Variants in C2CD3 observed in about 807,000 individuals in gnomAD.
The protein encoded by C2CD3 is C2 domain-containing protein 3.
A neutral mutation model predicts 234.0 loss-of-function variants in C2CD3; 148 were observed. That is an observed-to-expected ratio of 0.63 (90% CI 0.55 to 0.72). The LOEUF is 0.72. Among genes scored for constraint, C2CD3 ranks in the 30% least tolerant of loss-of-function variants. The pLI is 0.00. For missense variants in C2CD3, 2,577 were observed against 2,811.5 expected, an observed-to-expected ratio of 0.92 and a Z score of 1.89; for synonymous variants, 1,000 against 1,035.4, an observed-to-expected ratio of 0.97 and a Z score of 0.66.
chr11:74,052,293 GC>G (rs1460481438), intron 26 of C2CD3, among the ~76,000 whole-genome samples: 1 of 152,164 alleles, frequency 6.6e-6, no homozygotes, highest in Non-Finnish European at 1.5e-5. Context: ...AATAAAAATA[GC>G]TCCATTTATT....
chr11:74,147,813 T>C (rs1444452729), intron 3 of C2CD3, among the ~76,000 whole-genome samples: 1 of 152,230 alleles, frequency 6.6e-6, no homozygotes, highest in Non-Finnish European at 1.5e-5. Context: ...TGAAACAGGA[T>C]TTCCAGAAAT....
intron 7 of C2CD3, among the ~76,000 whole-genome samples, chr11:74,131,722 C>A (rs1353093638): frequency 6.6e-6 from 1 of 151,892 alleles, no homozygotes; most frequent in African/African-American, 2.4e-5. Context: ...AGTAGCTGCA[C>A]CACCACGCCT....
chr11:74,146,747 C>CACGCACACACAT (rs58129019), intron 3 of C2CD3, among the ~76,000 whole-genome samples: 1 of 144,004 alleles, frequency 6.9e-6, no homozygotes, highest in African/African-American at 2.5e-5. Flanking sequence ...CACACACACA[C>CACGCACACACAT]AATTAACATA....
chr11:74,169,926 C>T (rs1274336231), intron 1 of C2CD3, among the ~76,000 whole-genome samples: 12 of 152,180 alleles, frequency 7.9e-5, no homozygotes, highest in Admixed American at 7.9e-4. Flanking sequence ...CTTCTTTTCT[C>T]GCTAAACTGC....
intron 6 of C2CD3, 76 bp from the exon 7 acceptor site, chr11:74,133,048 T>C (rs1957732474): frequency 2.1e-6 from 3 of 1,406,906 alleles, no homozygotes; most frequent in East Asian, 2.3e-5. Context: ...ACTTCGTACA[T>C]GCAGCTGGTC....
At chr11:74,130,080 A>G in intron 7 of C2CD3, 1 of 135,280 alleles carries the variant, frequency 7.4e-6, no homozygotes, top group Non-Finnish European at 1.5e-5. Context: ...AGGGAGACGG[A>G]GACCGTGGGG....
Position 74,150,582 on chromosome 11 carries a change from G to A in C2CD3, c.484-10754C>T, listed in dbSNP as rs1243931273. On this transcript the variant is annotated intron_variant, in intron 3 of 32. Transcript: ENST00000334126. ...ATAAAATTAGAAAAAAATAAATAAC[G>A]ACTACAGGTACTTATTATCCAGCTT... Among the ~76,000 whole-genome samples, 4 of 127,554 alleles carry A rather than the reference G, an allele frequency of 3.1e-5. No homozygotes were observed. The South Asian group carries it at 1.0e-3, about 32-fold the overall frequency. 83.7% of individuals were successfully genotyped at this position (127,554 alleles called of 152,430 possible).
chr11:74,161,247 T>G, intron 3 of C2CD3, 152 bp downstream of exon 3: 1 of 466,290 alleles, frequency 2.1e-6, no homozygotes, highest in Non-Finnish European at 3.7e-6. Context: ...GAAACAAAAG[T>G]AGGTCTACTG....
At chr11:74,060,284 C>T (rs187038593) in intron 24 of C2CD3, among the ~76,000 whole-genome samples, 95 of 152,338 alleles carry the variant, frequency 6.2e-4, no homozygotes, top group Middle Eastern at 3.4e-3. Context: ...TCTCCCAGCA[C>T]GGAGTTTGAG....
intron 26 of C2CD3, 60 bp from the exon 27 acceptor site, chr11:74,049,602 G>C: frequency 7.5e-7 from 1 of 1,342,156 alleles, no homozygotes; most frequent in Non-Finnish European, 1.1e-6. Context: ...ACTGAGATTA[G>C]AGGGTGCACA....
At chr11:74,124,587 T>G (rs1300440183) in intron 7 of C2CD3, among the ~76,000 whole-genome samples, 1 of 152,078 alleles carries the variant, frequency 6.6e-6, no homozygotes, top group Non-Finnish European at 1.5e-5. Context: ...CACCCCCTCC[T>G]TGAAAACCAT....
intron 9 of C2CD3, among the ~76,000 whole-genome samples, chr11:74,115,561 A>G (rs566422125): frequency 2.4e-4 from 37 of 152,308 alleles, no homozygotes; most frequent in African/African-American, 8.9e-4. Flanking sequence ...AAAGCAATCT[A>G]CAAATTCAGT....
intron 7 of C2CD3, among the ~76,000 whole-genome samples, chr11:74,132,384 A>T (rs1747692589): frequency 6.6e-6 from 1 of 152,146 alleles, no homozygotes; most frequent in Non-Finnish European, 1.5e-5. Context: ...ACCCCGCAAA[A>T]TATTATGTGT....
At chr11:74,125,954 CCTT>C (rs1437346909) in intron 7 of C2CD3, among the ~76,000 whole-genome samples, 2 of 152,150 alleles carry the variant, frequency 1.3e-5, no homozygotes, top group East Asian at 1.9e-4. Context: ...CCCGAAATCT[CCTT>C]CTATCCCTCT....
chr11:74,098,058 G>A lies in C2CD3; in HGVS notation c.2930C>T (p.Pro977Leu). ...CTGGTCCAGGAAATGGGCTGGCCTA[G>A]GGCTGAAGGGAGGGAGTGTTCCTTC... Reference protein sequence around the residue: ...NEEGTLPPFSPRPAHFLDQPT... With the variant: ...NEEGTLPPFSLRPAHFLDQPT... The change falls in exon 16 of 33, where the codon CCT becomes CTT. Residue 977 changes from proline (P) to leucine (L), a missense_variant. By Grantham distance (98) the Pro-to-Leu change is moderately conservative. Transcript: ENST00000334126. The A allele has an allele frequency of 6.2e-7, 1 of 1,614,028 alleles. No individual in the cohort carries two copies. The highest frequency in any genetic ancestry group is 8.5e-7 in the Non-Finnish European group (1 of 1,179,890).
chr11:74,103,913 A>G (rs1277469975), intron 13 of C2CD3, among the ~76,000 whole-genome samples: 2 of 152,242 alleles, frequency 1.3e-5, no homozygotes, highest in Non-Finnish European at 2.9e-5. Context: ...CCCAGAATCC[A>G]GCTGAAGAGG....
chr11:74,088,895 T>C (rs1955766821), intron 20 of C2CD3, among the ~76,000 whole-genome samples: 1 of 152,228 alleles, frequency 6.6e-6, no homozygotes, highest in Non-Finnish European at 1.5e-5. Flanking sequence ...CTAAGGAAGT[T>C]GGACCTTATT....
intron 32 of C2CD3, 81 bp from the exon 33 acceptor site, chr11:74,013,606 G>T: frequency 1.1e-6 from 1 of 907,752 alleles, no homozygotes; most frequent in Non-Finnish European, 1.5e-6. Context: ...TCATCTTTTG[G>T]TCCTTTGGTT....
intron 24 of C2CD3, among the ~76,000 whole-genome samples, chr11:74,069,217 CAGGT>C (rs1255608336): frequency 2.6e-5 from 4 of 152,222 alleles, no homozygotes; most frequent in African/African-American, 9.6e-5. Context: ...TTTAGCCAAA[CAGGT>C]GGGTGAAAAA....
Sources: gnomAD v4.1 joint callset for allele counts (sites outside exome capture counted in the v4.1 genomes callset) on GRCh38, gnomAD v4.1.1 for gene constraint, MANE v1.5 for transcripts, NCBI Gene and HGNC (gene_info 2026-07-23, HGNC 2026-07-21) for gene names.